KLHL24: variants seen among roughly 807,000 people sequenced by gnomAD.
KLHL24 encodes kelch-like protein 24.
Under a neutral mutation model 53.4 loss-of-function variants are expected in KLHL24, and 29 were observed. The observed-to-expected ratio is 0.54, with a 90% confidence interval of 0.40 to 0.74. The LOEUF (loss-of-function observed/expected upper bound fraction) is 0.74. Among genes scored for constraint, KLHL24 ranks in the 30% least tolerant of loss-of-function variants. The probability of loss-of-function intolerance (pLI) is 0.00; values close to 1 mark genes in which losing one functional copy is unlikely to be tolerated. For missense variants in KLHL24, 504 were observed against 744.0 expected (o/e 0.68, Z 3.75); for synonymous variants, 222 against 253.7 (o/e 0.88, Z 1.19).
intron 3 of KLHL24, among the ~76,000 whole-genome samples, chr3:183,651,737 T>C (rs551082831): frequency 2.0e-5 from 3 of 152,186 alleles, no homozygotes; most frequent in South Asian, 4.1e-4. Context: ...GAGGAGCGCT[T>C]GAGCTCAGGA....
chr3:183,667,950 C>G (rs1720809415), intron 5 of KLHL24, among the ~76,000 whole-genome samples: 1 of 151,190 alleles, frequency 6.6e-6, no homozygotes, highest in Non-Finnish European at 1.5e-5. Context: ...TGGGTTCAAG[C>G]CATCCTCTTG....
At chr3:183,665,429 T>G (rs953506815) in intron 5 of KLHL24, among the ~76,000 whole-genome samples, 1 of 152,214 alleles carries the variant, frequency 6.6e-6, no homozygotes, top group African/African-American at 2.4e-5. Flanking sequence ...GTATTTTATC[T>G]TTTTTATTTT....
chr3:183,644,951 C>G (rs1717015322), intron 2 of KLHL24, among the ~76,000 whole-genome samples: 1 of 152,160 alleles, frequency 6.6e-6, no homozygotes, highest in South Asian at 2.1e-4. Context: ...GGAAGAAGCT[C>G]ACGATTTCCA....
At chr3:183,642,962 G>T (rs1437670955) in intron 1 of KLHL24, 1 of 152,226 alleles carries the variant, frequency 6.6e-6, no homozygotes, top group Non-Finnish European at 1.5e-5. Flanking sequence ...CGGGCACGGT[G>T]GCTCATGCCT....
At chr3:183,665,490 C>T (rs1344473329) in intron 5 of KLHL24, among the ~76,000 whole-genome samples, 1 of 152,208 alleles carries the variant, frequency 6.6e-6, no homozygotes, top group African/African-American at 2.4e-5. Flanking sequence ...TTGGCTCACG[C>T]CTGTAATCCC....
intron 5 of KLHL24, among the ~76,000 whole-genome samples, chr3:183,669,771 A>G (rs548847866): frequency 6.6e-6 from 1 of 152,324 alleles, no homozygotes; most frequent in South Asian, 2.1e-4. Flanking sequence ...TTTAGAGAGA[A>G]CAAGAGTGGA....
At chr3:183,640,945 A>C (rs181579065) in intron 1 of KLHL24, among the ~76,000 whole-genome samples, 106 of 152,216 alleles carry the variant, frequency 7.0e-4, no homozygotes, top group African/African-American at 2.0e-3. Context: ...TGGTGGTTCC[A>C]TTAAGAAACT....
At chr3:183,643,933 A>C (rs1196585520) in intron 2 of KLHL24, among the ~76,000 whole-genome samples, 1 of 151,290 alleles carries the variant, frequency 6.6e-6, no homozygotes, top group African/African-American at 2.4e-5. Flanking sequence ...CTGTAATCTT[A>C]CGTTTTGTTT....
In KLHL24 at chr3:183,663,488, C is replaced by T. The variant is rs1250279395; in HGVS notation, c.951C>T (p.Val317=). 10 of 1,571,228 alleles carry T rather than the reference C, an allele frequency of 6.4e-6. No individual in the cohort carries two copies. The highest frequency in any genetic ancestry group is 1.4e-5 in the African/African-American group (1 of 73,924). The part of the protein sequence containing the change: ...RSTGYSEVIV[V]VGGCERVGGF... Reference sequence around the variant, plus strand: ...CTGGCTATTCTGAGGTGATAGTTGTCGTTGGAGGATGTGAGCGAGTTGGAG... The same window carrying T: ...CTGGCTATTCTGAGGTGATAGTTGTTGTTGGAGGATGTGAGCGAGTTGGAG... The change falls in exon 4 of 8, where the codon GTC becomes GTT. Residue 317 remains valine, a synonymous_variant. Transcript: ENST00000242810. The surrounding 1 kb of genome is among the most constrained non-coding windows in gnomAD (Gnocchi z 4.9).
Position 183,663,849 on chromosome 3 carries a change from T to G in KLHL24, c.1105+207T>G, listed in dbSNP as rs549753652. Among the ~76,000 whole-genome samples the G allele has an allele frequency of 2.0e-4, 31 of 152,030 alleles. No homozygotes were observed. The highest frequency in any genetic ancestry group is 4.1e-4 in the Non-Finnish European group (28 of 68,008). On this transcript the variant is annotated intron_variant, in intron 4 of 7. Transcript: ENST00000242810. The surrounding 1 kb of genome is among the most constrained non-coding windows in gnomAD (Gnocchi z 4.9). Reference sequence around the variant, plus strand: ...GGCTCACGCCTGTAATCCCAGCACTTTGGGAGGCCGAGGCAAGCAGATCAC... The same window carrying G: ...GGCTCACGCCTGTAATCCCAGCACTGTGGGAGGCCGAGGCAAGCAGATCAC...
intron 3 of KLHL24, 123 bp downstream of exon 3, chr3:183,651,399 A>G (rs977446810): frequency 1.0e-5 from 7 of 670,162 alleles, no homozygotes; most frequent in African/African-American, 1.8e-5. Context: ...ATAATTTTAG[A>G]TTTATTTTGG....
Position 183,684,378 on chromosome 3 carries a change from G to A in KLHL24, c.*5092G>A, listed in dbSNP as rs2108921876. 1 of 152,704 alleles carries A rather than the reference G, an allele frequency of 6.5e-6. No homozygotes were observed. Among genetic ancestry groups the A allele is most frequent in the African/African-American group, 2.4e-5 (1 of 41,556 alleles). The allele number at this position is 152,704 out of a possible 1,614,324, so 9.5% of individuals were successfully genotyped here. On this transcript the variant is annotated 3_prime_UTR_variant, in exon 8 of 8. Transcript: ENST00000242810. ...GTATTTAATTGTTCTTAGTTAAGTT[G>A]TAGCACGTGAATACTTACTTACATG...
At chr3:183,674,769 A>G (rs1012247630) in intron 7 of KLHL24, among the ~76,000 whole-genome samples, 2 of 152,200 alleles carry the variant, frequency 1.3e-5, no homozygotes, top group African/African-American at 2.4e-5. Flanking sequence ...CCTGACCTTC[A>G]TTTGACCTTT....
intron 3 of KLHL24, among the ~76,000 whole-genome samples, chr3:183,659,554 T>A (rs530035014): frequency 5.4e-4 from 83 of 152,302 alleles, no homozygotes; most frequent in Non-Finnish European, 1.1e-3. Flanking sequence ...GATACGAGAA[T>A]CAGTGTCTTG....
At chr3:183,676,883 A>G (rs932188578) in intron 7 of KLHL24, among the ~76,000 whole-genome samples, 1 of 149,470 alleles carries the variant, frequency 6.7e-6, no homozygotes, top group Non-Finnish European at 1.5e-5. Context: ...CATTTTAAGC[A>G]TACAAAAATA....
rs1302336114 is a variant in KLHL24 at position 183,651,253 on chromosome 3, G to T, written c.897G>T (p.Met299Ile). ...RRYHILGNEMMSPRTRPRRST... is the reference protein window; with the variant it reads ...RRYHILGNEMISPRTRPRRST... ...ACCACATACTTGGGAATGAAATGAT[G>T]TCCCCAAGGACTAGGCCACGCAGGT... The change falls in exon 3 of 8, where the codon ATG becomes ATT. Residue 299 changes from methionine to isoleucine, a missense_variant. Met to Ile is a conservative substitution (Grantham distance 10). Transcript: ENST00000242810. The T allele has an allele frequency of 6.2e-7, 1 of 1,613,996 alleles. No homozygotes were observed. Among genetic ancestry groups the T allele is most frequent in the Non-Finnish European group, 8.5e-7 (1 of 1,179,904 alleles).
At chr3:183,647,926 A>C (rs1484941034) in intron 2 of KLHL24, among the ~76,000 whole-genome samples, 1 of 152,120 alleles carries the variant, frequency 6.6e-6, no homozygotes, top group African/African-American at 2.4e-5. Context: ...AAATCGCTTG[A>C]ACCCGGGAGG....
intron 1 of KLHL24, among the ~76,000 whole-genome samples, chr3:183,640,493 G>A (rs933082108): frequency 6.6e-6 from 1 of 152,020 alleles, no homozygotes; most frequent in Non-Finnish European, 1.5e-5. Context: ...CCCATTTGAG[G>A]TTCTAATAAA....
At chr3:183,669,329 G>A (rs1186292953) in intron 5 of KLHL24, among the ~76,000 whole-genome samples, 4 of 152,006 alleles carry the variant, frequency 2.6e-5, no homozygotes, top group Non-Finnish European at 4.4e-5. Context: ...TCCAGCCTGG[G>A]CAACAAGAGC....
Sources: allele counts gnomAD v4.1 joint callset (sites outside exome capture counted in the v4.1 genomes callset), GRCh38; gene constraint gnomAD v4.1.1; non-coding constraint Gnocchi (gnomAD v3.1); transcripts MANE v1.5; gene names NCBI Gene and HGNC (gene_info 2026-07-23, HGNC 2026-07-21).